The following EFCC1 variants were observed in gnomAD, a reference collection of about 807,000 sequenced individuals.
EFCC1 encodes EF-hand and coiled-coil domain containing 1.
In EFCC1, 50 loss-of-function variants were observed where a neutral mutation model predicts 52.1. The ratio of observed to expected loss-of-function variants is 0.96; its 90% CI spans 0.76 to 1.21. EFCC1 has a LOEUF of 1.21. Among genes scored for constraint, EFCC1 ranks in the 50% most tolerant of loss-of-function variants. EFCC1 has a pLI of 0.00. For synonymous variants in EFCC1, 399 were observed against 396.5 expected (o/e 1.01, Z -0.08); for missense variants, 837 against 867.3 (o/e 0.97, Z 0.44).
intron 2 of EFCC1, among the ~76,000 whole-genome samples, chr3:129,006,206 A>G (rs1359827314): frequency 6.6e-6 from 1 of 152,242 alleles, no homozygotes; most frequent in Non-Finnish European, 1.5e-5. Context: ...ATTCACAGTT[A>G]CACGATGGCT....
rs576265657 is a variant in EFCC1, at chr3:129,001,976, G to C, written c.348G>C (p.Glu116Asp). Residue 116 changes from glutamate to aspartate, a missense_variant, in exon 1 of 8, where the codon GAG becomes GAC. Coordinates refer to ENST00000683648, the MANE Select transcript of EFCC1 (RefSeq NM_001377500.1). ...RDVTPGDAAA[E>D]LATDGDSDTD... The stretch of plus-strand genomic sequence containing the variant: ...TGACCCCCGGGGATGCGGCCGCTGA[G>C]TTGGCCACGGACGGGGACTCAGATA... 2 of 1,545,250 alleles carry C rather than the reference G, an allele frequency of 1.3e-6. No individual in the cohort carries two copies. The highest frequency in any genetic ancestry group is 1.7e-6 in the Non-Finnish European group (2 of 1,144,816).
intron 2 of EFCC1, among the ~76,000 whole-genome samples, chr3:129,018,164 TG>T (rs888377372): frequency 6.6e-6 from 1 of 152,194 alleles, no homozygotes; most frequent in Non-Finnish European, 1.5e-5. Flanking sequence ...AGGTGCTGGC[TG>T]GCCTTGGGAG....
At position 129,016,546 on chromosome 3, in the gene EFCC1, T is replaced by C. The variant is rs371836671; in HGVS notation, c.980+12469T>C. Among the ~76,000 whole-genome samples the C allele has an allele frequency of 1.4e-4, 20 of 145,884 alleles. 1 individual carries two copies. Among genetic ancestry groups the C allele is most frequent in the Admixed American group, 4.8e-4 (7 of 14,642 alleles). On this transcript the variant is annotated intron_variant, in intron 2 of 7. Transcript: ENST00000683648. ...AAGCCCATAAGCCGTGCCCGTGAGC[T>C]CCACCTGCCTGCCAGCTTCCCTTCT... is the stretch of plus-strand genomic sequence containing the variant.
chr3:129,001,520 A>G lies in EFCC1; in HGVS notation c.-109A>G, dbSNP rs903977916. On this transcript the variant is annotated 5_prime_UTR_variant, in exon 1 of 8. Transcript: ENST00000683648. ...CGGTCCCCGGCGCCGCTCCAACCAG[A>G]CCGCGACCGCTAAGCCCCTCCTTTC... 9 of 1,330,776 alleles carry G rather than the reference A, an allele frequency of 6.8e-6. No homozygotes were observed. In the African/African-American group the frequency reaches 1.1e-4, roughly 16 times the overall value. 82.4% of individuals were successfully genotyped at this position (1,330,776 alleles called of 1,614,324 possible).
rs546050270 is a variant in EFCC1, at chr3:129,009,221, G to A, written c.980+5144G>A. On this transcript the variant is annotated intron_variant, in intron 2 of 7. Coordinates refer to ENST00000683648, the MANE Select transcript of EFCC1 (RefSeq NM_001377500.1). ...TTTCTATCATCCAGGTCTCCTGGGTGAATGCCAGAAAGCCTAATGCAAACT... is the reference window on the plus strand; with the variant it reads ...TTTCTATCATCCAGGTCTCCTGGGTAAATGCCAGAAAGCCTAATGCAAACT... 5.3e-5 allele frequency among the ~76,000 whole-genome samples: 8 copies of A among 152,280 alleles called. No homozygotes were observed. The South Asian group carries it at 1.7e-3, about 32-fold the overall frequency.
chr3:129,021,647 CTATT>C (rs1405091114), intron 2 of EFCC1, among the ~76,000 whole-genome samples: 1 of 152,202 alleles, frequency 6.6e-6, no homozygotes, highest in African/African-American at 2.4e-5. Flanking sequence ...GGGTATCTGT[CTATT>C]TATCAATCCA....
rs1944799340 is a variant in EFCC1, at chr3:129,002,053, T to C, written c.425T>C (p.Phe142Ser). 1 of 1,540,128 alleles carries C rather than the reference T, an allele frequency of 6.5e-7. No homozygotes were observed. The highest frequency in any genetic ancestry group is 8.7e-7 in the Non-Finnish European group (1 of 1,143,052). ...CGCGCCGAGCCGCCGGAGCTCACCT[T>C]CCGCCAGTTCCACGCGCGCCTCTGT... ...ALRAEPPELT[F>S]RQFHARLCGY... The change falls in exon 1 of 8, where the codon TTC (phenylalanine) becomes TCC (serine). Residue 142 changes from phenylalanine (F) to serine (S), a missense_variant. Coordinates refer to ENST00000683648, the MANE Select transcript of EFCC1 (RefSeq NM_001377500.1).
Position 129,004,022 on chromosome 3 carries a change from G to A in EFCC1, c.925G>A (p.Val309Met). The part of the protein sequence containing the change: ...VRELEALAQQ[V>M]PGLQRWVRRL... ...AGAGCTGGAGGCGCTGGCGCAACAGGTGCCCGGCTTGCAGCGCTGGGTGCG... is the reference window on the plus strand; with the variant it reads ...AGAGCTGGAGGCGCTGGCGCAACAGATGCCCGGCTTGCAGCGCTGGGTGCG... Residue 309 changes from valine to methionine, a missense_variant, in exon 2 of 8, where the codon GTG (valine) becomes ATG (methionine). Physicochemically the swap from Val to Met is conservative, Grantham distance 21. Coordinates refer to ENST00000683648, the MANE Select transcript of EFCC1 (RefSeq NM_001377500.1). The A allele has an allele frequency of 6.6e-7, 1 of 1,509,716 alleles. No individual in the cohort carries two copies. Among genetic ancestry groups the A allele is most frequent in the Non-Finnish European group, 8.8e-7 (1 of 1,136,152 alleles). 93.5% of individuals were successfully genotyped at this position (1,509,716 alleles called of 1,614,324 possible). A position where few individuals can be genotyped will look rare whatever the true frequency, so the allele number is the denominator to read the frequency against.
At chr3:129,021,148 G>T (rs1945823865) in intron 2 of EFCC1, among the ~76,000 whole-genome samples, 1 of 152,170 alleles carries the variant, frequency 6.6e-6, no homozygotes, top group African/African-American at 2.4e-5. Flanking sequence ...GTATGACCAA[G>T]CATCACCCCA....
chr3:129,003,839 G>T lies in EFCC1; in HGVS notation c.742G>T (p.Gly248Cys). Reference protein sequence around the residue: ...SQASTHEMGHGGPEAAVRELR... With the variant: ...SQASTHEMGHCGPEAAVRELR... Reference sequence around the variant, plus strand: ...GGCGAGCACCCACGAGATGGGGCACGGCGGGCCGGAGGCTGCGGTGCGGGA... The same window carrying T: ...GGCGAGCACCCACGAGATGGGGCACTGCGGGCCGGAGGCTGCGGTGCGGGA... The change falls in exon 2 of 8, where the codon GGC becomes TGC. Residue 248 changes from glycine (G) to cysteine (C), a missense_variant. Physicochemically the swap from Gly to Cys is radical, Grantham distance 159. Coordinates refer to ENST00000683648, the MANE Select transcript of EFCC1 (RefSeq NM_001377500.1). The T allele has an allele frequency of 6.8e-7, 1 of 1,462,056 alleles. No individual in the cohort carries two copies. Among genetic ancestry groups the T allele is most frequent in the South Asian group, 1.3e-5 (1 of 77,800 alleles). The allele number at this position is 1,462,056 out of a possible 1,614,324, so 90.6% of individuals were successfully genotyped here. A position where few individuals can be genotyped will look rare whatever the true frequency, so the allele number is the denominator to read the frequency against.
chr3:129,014,862 C>T lies in EFCC1; in HGVS notation c.980+10785C>T. 6.6e-6 allele frequency among the ~76,000 whole-genome samples: 1 copy of T among 152,092 alleles called. No homozygotes were observed. On this transcript the variant is annotated intron_variant, in intron 2 of 7. Coordinates refer to ENST00000683648, the MANE Select transcript of EFCC1 (RefSeq NM_001377500.1). This position sits in a 1 kb window ranked among gnomAD's most constrained non-coding sequence, Gnocchi z 4.3. ...TGCCGAGGGGCCAGTGAGGAGGGGCCAGTGAGGAGGAGCAGGTGAAGAGCC... is the reference window on the plus strand; with the variant it reads ...TGCCGAGGGGCCAGTGAGGAGGGGCTAGTGAGGAGGAGCAGGTGAAGAGCC...
rs3732430 is a variant in EFCC1 at position 129,037,110 on chromosome 3, G to A, written c.1586G>A (p.Arg529Gln). The A allele has an allele frequency of 0.41, 652,285 of 1,604,560 alleles. 135,908 individuals carry two copies. The highest frequency in any genetic ancestry group is 0.43 in the Non-Finnish European group (505,348 of 1,176,512). Residue 529 changes from arginine (R) to glutamine (Q), a missense_variant, in exon 6 of 8, where the codon CGG becomes CAG. Transcript: ENST00000683648. ...GTGCTGCAGCTCCTGCAGAGGCTCC[G>A]GGACCTGGTAGGCTCACGGGAGAGC... ...VDVLQLLQRL[R>Q]DLNISKRALG... is the part of the protein sequence containing the mutation.
At chr3:129,013,319 G>T (rs1424758030) in intron 2 of EFCC1, among the ~76,000 whole-genome samples, 1 of 152,132 alleles carries the variant, frequency 6.6e-6, no homozygotes, top group East Asian at 1.9e-4. Context: ...GGATTTTTTA[G>T]TTGCTAATGA....
intron 2 of EFCC1, among the ~76,000 whole-genome samples, chr3:129,028,944 T>C (rs1478068559): frequency 2.6e-5 from 4 of 152,178 alleles, no homozygotes; most frequent in South Asian, 2.1e-4. Flanking sequence ...CCCAGCCTCA[T>C]TGGCTTTTTT....
At chr3:129,015,207 C>T (rs1576735024) in intron 2 of EFCC1, among the ~76,000 whole-genome samples, 1 of 152,260 alleles carries the variant, frequency 6.6e-6, no homozygotes, top group East Asian at 1.9e-4. Flanking sequence ...CTCCAGGGCT[C>T]CCCTTCTCAG....
At chr3:129,038,989 C>T (rs960641307) in intron 7 of EFCC1, 89 bp downstream of exon 7, 11 of 1,138,704 alleles carry the variant, frequency 9.7e-6, no homozygotes, top group Non-Finnish European at 1.5e-5. Context: ...TGCTTAGCAT[C>T]TTGTCTGCAA....
At chr3:129,027,608 CAAT>C (rs1357934267) in intron 2 of EFCC1, among the ~76,000 whole-genome samples, 1 of 152,160 alleles carries the variant, frequency 6.6e-6, no homozygotes, top group African/African-American at 2.4e-5. Context: ...CTTTGTGTTC[CAAT>C]AATATTTGGT....
At chr3:129,039,418 G>A (rs1402673390) in intron 7 of EFCC1, among the ~76,000 whole-genome samples, 5 of 152,222 alleles carry the variant, frequency 3.3e-5, no homozygotes, top group African/African-American at 7.2e-5. Flanking sequence ...AGGCTGACAA[G>A]GCAACCAAGA....
chr3:129,021,765 C>A (rs1945853531), intron 2 of EFCC1, among the ~76,000 whole-genome samples: 1 of 152,210 alleles, frequency 6.6e-6, no homozygotes, highest in African/African-American at 2.4e-5. Flanking sequence ...GTATCCATCA[C>A]AGACAGGTTA....
Sources: allele counts gnomAD v4.1 joint callset (sites outside exome capture counted in the v4.1 genomes callset), GRCh38; gene constraint gnomAD v4.1.1; non-coding constraint Gnocchi (gnomAD v3.1); transcripts MANE v1.5; gene names NCBI Gene and HGNC (gene_info 2026-07-23, HGNC 2026-07-21).